Variants in EPB41L5 observed in about 807,000 individuals in gnomAD.
The protein encoded by EPB41L5 is band 4.1-like protein 5.
Under a neutral mutation model 106.6 loss-of-function variants are expected in EPB41L5, and 55 were observed. The observed-to-expected ratio is 0.52, with a 90% CI of 0.42 to 0.65. The LOEUF is 0.65. Ranked by LOEUF, EPB41L5 falls within the 30% of genes least tolerant of loss-of-function variation. EPB41L5 has a pLI of 0.00. For missense variants in EPB41L5, 871 were observed against 882.1 expected (o/e 0.99, Z 0.16); for synonymous variants, 297 against 306.7 (o/e 0.97, Z 0.33).
In EPB41L5 at chr2:120,042,057, C is replaced by G; in HGVS notation, c.232C>G (p.Leu78Val). Residue 78 changes from leucine (L) to valine (V), a missense_variant, in exon 3 of 25, where the codon CTG (leucine) becomes GTG (valine). Transcript: ENST00000263713. ...LFDQIMYHLD[L>V]IESDYFGLRF... ...TGATCAGATTATGTACCACCTGGAC[C>G]TGATTGAAAGCGACTATTTTGGTCT... 2 of 1,613,564 alleles carry G rather than the reference C, an allele frequency of 1.2e-6. No homozygotes were observed. Among genetic ancestry groups the G allele is most frequent in the Non-Finnish European group, 1.7e-6 (2 of 1,179,652 alleles).
intron 14 of EPB41L5, among the ~76,000 whole-genome samples, chr2:120,095,815 C>T (rs1185539457): frequency 6.6e-5 from 10 of 151,910 alleles, no homozygotes; most frequent in African/African-American, 1.9e-4. Flanking sequence ...ATTACAGGCA[C>T]GCACCACCAT....
intron 18 of EPB41L5, among the ~76,000 whole-genome samples, chr2:120,142,470 G>A (rs1238006884): frequency 6.6e-6 from 1 of 152,138 alleles, no homozygotes; most frequent in Admixed American, 6.6e-5. Flanking sequence ...ATTCAGCGAG[G>A]ACAGTGGGTG....
intron 18 of EPB41L5, among the ~76,000 whole-genome samples, chr2:120,132,236 T>G (rs1685728471): frequency 6.6e-6 from 1 of 152,238 alleles, no homozygotes; most frequent in South Asian, 2.1e-4. Context: ...CTATGTTAAG[T>G]AACTTATAGA....
At chr2:120,087,264 T>G in intron 11 of EPB41L5, 24 bp downstream of exon 11, 1 of 1,354,412 alleles carries the variant, frequency 7.4e-7, no homozygotes. Flanking sequence ...TATATTCTAT[T>G]ACTTGTGTAA....
chr2:120,035,941 A>G (rs907810078), intron 2 of EPB41L5, among the ~76,000 whole-genome samples: 1 of 152,094 alleles, frequency 6.6e-6, no homozygotes, highest in Admixed American at 6.5e-5. Context: ...TGTGTGTGGT[A>G]ATGGTGGCTG....
chr2:120,123,998 T>C (rs748979753), intron 16 of EPB41L5, among the ~76,000 whole-genome samples: 6 of 152,098 alleles, frequency 3.9e-5, no homozygotes, highest in Non-Finnish European at 7.4e-5. Context: ...CTTATTCTTG[T>C]GGTGCTCACA....
chr2:120,088,393 T>G (rs765346861), intron 11 of EPB41L5, among the ~76,000 whole-genome samples: 3 of 152,100 alleles, frequency 2.0e-5, no homozygotes, highest in African/African-American at 4.8e-5. Context: ...TAAGAACTTA[T>G]GAACACAAAG....
At chr2:120,056,575 A>G (rs1680667836) in intron 3 of EPB41L5, among the ~76,000 whole-genome samples, 1 of 152,004 alleles carries the variant, frequency 6.6e-6, no homozygotes, top group Non-Finnish European at 1.5e-5. Flanking sequence ...TTGGGATTAC[A>G]GGTGTGAGCC....
rs375757480 is a variant in EPB41L5, at chr2:120,082,642, C to G, written c.803+4061C>G. Among the ~76,000 whole-genome samples, 12 of 152,296 alleles carry G rather than the reference C, an allele frequency of 7.9e-5. No individual in the cohort carries two copies. The South Asian group carries it at 8.3e-4, about 11-fold the overall frequency. ...CATAAAATGCGTTAGGGAAGATTCC[C>G]TCTTTTTCTATCAGTTAGAATAGTT... On this transcript the variant is annotated intron_variant, in intron 10 of 24. Transcript: ENST00000263713.
chr2:120,034,587 C>A (rs1678923835), intron 2 of EPB41L5, among the ~76,000 whole-genome samples: 1 of 151,918 alleles, frequency 6.6e-6, no homozygotes, highest in African/African-American at 2.4e-5. Flanking sequence ...GTTAGCTGGG[C>A]TCAGTGTGAC....
intron 19 of EPB41L5, among the ~76,000 whole-genome samples, chr2:120,145,588 A>T (rs894737773): frequency 1.2e-4 from 19 of 152,148 alleles, no homozygotes; most frequent in African/African-American, 4.1e-4. Flanking sequence ...ATGTTACATG[A>T]TGTTGGCTAA....
chr2:120,073,989 A>G, intron 4 of EPB41L5, 111 bp from the exon 5 acceptor site: 1 of 783,096 alleles, frequency 1.3e-6, no homozygotes, highest in Non-Finnish European at 2.0e-6. Flanking sequence ...ATAATGCCAT[A>G]AAAACCTCAT....
chr2:120,162,476 T>C (rs1687175906), intron 21 of EPB41L5, among the ~76,000 whole-genome samples: 1 of 152,194 alleles, frequency 6.6e-6, no homozygotes, highest in Admixed American at 6.5e-5. Flanking sequence ...TGAAAGTGTA[T>C]AGTTGGTATT....
chr2:120,015,183 C>T (rs568524225), intron 1 of EPB41L5, among the ~76,000 whole-genome samples: 1 of 151,950 alleles, frequency 6.6e-6, no homozygotes, highest in East Asian at 1.9e-4. Flanking sequence ...AAAAATTAGC[C>T]GGTCGTAGCG....
At chr2:120,093,196 A>T in intron 13 of EPB41L5, 53 bp from the exon 14 acceptor site, 2 of 1,450,954 alleles carry the variant, frequency 1.4e-6, no homozygotes, top group Non-Finnish European at 1.9e-6. Context: ...ATAGTGCAGC[A>T]GTTTATCATG....
chr2:120,142,934 G>A (rs1473390215), intron 18 of EPB41L5, 69 bp from the exon 19 acceptor site: 1 of 1,391,966 alleles, frequency 7.2e-7, no homozygotes, highest in Non-Finnish European at 1.0e-6. Context: ...ACTTTCATCA[G>A]TCTATTTCCT....
intron 3 of EPB41L5, among the ~76,000 whole-genome samples, chr2:120,051,073 G>C (rs1191594897): frequency 6.6e-6 from 1 of 152,184 alleles, no homozygotes; most frequent in Admixed American, 6.5e-5. Flanking sequence ...CCCCTACTGG[G>C]AGGTGGCTCC....
chr2:120,038,116 C>T (rs1237634609), intron 2 of EPB41L5, among the ~76,000 whole-genome samples: 1 of 152,060 alleles, frequency 6.6e-6, no homozygotes, highest in African/African-American at 2.4e-5. Flanking sequence ...AAAATGTTTG[C>T]GAACCAGATA....
At chr2:120,043,574 T>TA (rs35808920) in intron 3 of EPB41L5, among the ~76,000 whole-genome samples, 41 of 147,520 alleles carry the variant, frequency 2.8e-4, no homozygotes, top group African/African-American at 6.0e-4. Flanking sequence ...GATTTTTATT[T>TA]AAAAAAAAAA....
Sources: allele counts gnomAD v4.1 joint callset (sites outside exome capture counted in the v4.1 genomes callset), GRCh38; gene constraint gnomAD v4.1.1; transcripts MANE v1.5; gene names NCBI Gene and HGNC (gene_info 2026-07-23, HGNC 2026-07-21).